The following FREM2 variants were observed in gnomAD, a reference collection of about 807,000 sequenced individuals.
FREM2 encodes FRAS1-related extracellular matrix protein 2.
In FREM2, 119 loss-of-function variants were observed where a neutral mutation model predicts 219.9. That is an observed-to-expected ratio of 0.54 (90% CI 0.47 to 0.63). The LOEUF is 0.63. Ranked by LOEUF, FREM2 falls within the 30% of genes least tolerant of loss-of-function variation. The probability of loss-of-function intolerance (pLI) is 0.00; values close to 1 mark genes in which losing one functional copy is unlikely to be tolerated. For missense variants in FREM2, 4,030 were observed against 3,993.6 expected, an observed-to-expected ratio of 1.01 and a Z score of -0.25; for synonymous variants, 1,562 against 1,522.8, an observed-to-expected ratio of 1.03 and a Z score of -0.60.
At position 38,746,764 on chromosome 13, in the gene FREM2, A is replaced by G. The variant is rs1195994662; in HGVS notation, c.5264-17540A>G. On this transcript the variant is annotated intron_variant, in intron 2 of 23. Transcript: ENST00000280481. ...CAGGAGGGAAGAAGTAAAATTGCTGAGTTGAGTGGCTGCCATGAAGGGAGT... is the reference window on the plus strand; with the variant it reads ...CAGGAGGGAAGAAGTAAAATTGCTGGGTTGAGTGGCTGCCATGAAGGGAGT... Among the ~76,000 whole-genome samples, 4 of 152,336 alleles carry G rather than the reference A, an allele frequency of 2.6e-5. No homozygotes were observed. In the East Asian group the frequency reaches 7.7e-4, roughly 29 times the overall value.
intron 4 of FREM2, among the ~76,000 whole-genome samples, chr13:38,772,728 C>T (rs1873715504): frequency 6.7e-6 from 1 of 149,378 alleles, no homozygotes; most frequent in African/African-American, 2.5e-5. Context: ...CGGAGTTTCG[C>T]TCTCGCTGCC....
chr13:38,727,080 T>C (rs1249207773), intron 2 of FREM2, among the ~76,000 whole-genome samples: 4 of 152,172 alleles, frequency 2.6e-5, no homozygotes, highest in Non-Finnish European at 4.4e-5. Flanking sequence ...TGGACGTAGT[T>C]TTTGATACCT....
At chr13:38,785,484 G>C (rs911218109) in intron 6 of FREM2, among the ~76,000 whole-genome samples, 7 of 152,230 alleles carry the variant, frequency 4.6e-5, no homozygotes. Flanking sequence ...TAAACTGAGA[G>C]ATGGGACACC....
At chr13:38,871,043 A>G (rs560666439) in intron 16 of FREM2, among the ~76,000 whole-genome samples, 7 of 152,254 alleles carry the variant, frequency 4.6e-5, no homozygotes, top group African/African-American at 1.7e-4. Flanking sequence ...TTCAAAATCA[A>G]TTGCTCAATG....
rs1330842146 is a variant in FREM2 at position 38,692,083 on chromosome 13, A to G, written c.4739A>G (p.His1580Arg). The part of the protein sequence containing the change: ...FTITQVPIHG[H>R]LLFNNTRPVM... ...ATCACCCAGGTGCCTATTCATGGCCATCTCCTATTCAACAATACCAGACCT... is the reference window on the plus strand; with the variant it reads ...ATCACCCAGGTGCCTATTCATGGCCGTCTCCTATTCAACAATACCAGACCT... Residue 1580 changes from histidine to arginine, a missense_variant, in exon 1 of 24, where the codon CAT becomes CGT. By Grantham distance (29) the His-to-Arg change is conservative. Coordinates refer to ENST00000280481, the MANE Select transcript of FREM2 (RefSeq NM_207361.6). 2 of 1,614,192 alleles carry G rather than the reference A, an allele frequency of 1.2e-6. No individual in the cohort carries two copies. Among genetic ancestry groups the G allele is most frequent in the Non-Finnish European group, 1.7e-6 (2 of 1,180,018 alleles).
intron 9 of FREM2, among the ~76,000 whole-genome samples, chr13:38,850,492 A>G (rs1163522587): frequency 6.6e-6 from 1 of 152,214 alleles, no homozygotes; most frequent in Non-Finnish European, 1.5e-5. Context: ...AGCATATCAA[A>G]TGTACAGATT....
chr13:38,747,393 A>AGTG (rs1872526766), intron 2 of FREM2, among the ~76,000 whole-genome samples: 2 of 56,824 alleles, frequency 3.5e-5, no homozygotes, highest in South Asian at 9.0e-4. Context: ...AGCTGATATA[A>AGTG]TATGTGTGTG....
At chr13:38,795,457 A>G (rs1874733310) in intron 6 of FREM2, among the ~76,000 whole-genome samples, 1 of 151,800 alleles carries the variant, frequency 6.6e-6, no homozygotes, top group Admixed American at 6.6e-5. Flanking sequence ...TTTGTTTTTT[A>G]CTAATACAAA....
rs1307048484 is a variant in FREM2, at chr13:38,689,346, G to A, written c.2002G>A (p.Asp668Asn). The change falls in exon 1 of 24, where the codon GAC (aspartate) becomes AAC (asparagine). Residue 668 changes from aspartate (D) to asparagine (N), a missense_variant. Physicochemically the swap from Asp to Asn is conservative, Grantham distance 23. Transcript: ENST00000280481. ...GCCCCATAGTCCTGGGCCAGTCACAGACCAGTTCACATTTAGAGTCCAGGA... is the reference window on the plus strand; with the variant it reads ...GCCCCATAGTCCTGGGCCAGTCACAAACCAGTTCACATTTAGAGTCCAGGA... ...SGPHSPGPVT[D>N]QFTFRVQDNH... 6.2e-7 allele frequency: 1 copy of A among 1,614,104 alleles called. No homozygotes were observed. Among genetic ancestry groups the A allele is most frequent in the African/African-American group, 1.3e-5 (1 of 75,012 alleles).
At chr13:38,815,469 A>G (rs1006778239) in intron 6 of FREM2, among the ~76,000 whole-genome samples, 1 of 152,238 alleles carries the variant, frequency 6.6e-6, no homozygotes, top group African/African-American at 2.4e-5. Flanking sequence ...TAGCTAGACT[A>G]AGAAATAAAA....
chr13:38,690,645 G>C lies in FREM2; in HGVS notation c.3301G>C (p.Asp1101His), dbSNP rs370270935. The C allele has an allele frequency of 1.2e-6, 2 of 1,613,734 alleles. No individual in the cohort carries two copies. Among genetic ancestry groups the C allele is most frequent in the Admixed American group, 1.7e-5 (1 of 60,004 alleles). The change falls in exon 1 of 24, where the codon GAC becomes CAC. Residue 1101 changes from aspartate (D) to histidine (H), a missense_variant. Coordinates refer to ENST00000280481, the MANE Select transcript of FREM2 (RefSeq NM_207361.6). ...TGAAGATGTCGACTCCCTGAATGATGACATCTTGTGCACTATAGTTATTCA... is the reference window on the plus strand; with the variant it reads ...TGAAGATGTCGACTCCCTGAATGATCACATCTTGTGCACTATAGTTATTCA... ...SAEDVDSLND[D>H]ILCTIVIQPT...
chr13:38,878,624 A>G (rs994882535), intron 22 of FREM2, among the ~76,000 whole-genome samples: 1 of 151,968 alleles, frequency 6.6e-6, no homozygotes, highest in Admixed American at 6.6e-5. Context: ...ATCTATGATC[A>G]TGCTACTGCA....
Position 38,876,287 on chromosome 13 carries a change from C to T in FREM2, c.8449C>T (p.Pro2817Ser). 6.2e-7 allele frequency: 1 copy of T among 1,613,962 alleles called. No homozygotes were observed. Among genetic ancestry groups the T allele is most frequent in the Non-Finnish European group, 8.5e-7 (1 of 1,179,878 alleles). Residue 2817 changes from proline (P) to serine (S), a missense_variant, in exon 20 of 24, where the codon CCA (proline) becomes TCA (serine). Around this residue, in one of 2 missense-constraint regions of FREM2, gnomAD observed 928 missense variants for 1,042.9 expected, o/e 0.89. Transcript: ENST00000280481. ...AGGGACCTATACTGTGAAGCTGGTG[C>T]CATGCACTGCCCCATCACATCAGGA... is the stretch of plus-strand genomic sequence containing the variant. ...YSGTYTVKLV[P>S]CTAPSHQEYR...
chr13:38,709,548 A>T (rs777796572), intron 2 of FREM2, among the ~76,000 whole-genome samples: 4 of 152,058 alleles, frequency 2.6e-5, no homozygotes, highest in Non-Finnish European at 5.9e-5. Flanking sequence ...AGGTTGTTAG[A>T]CTATTATGTA....
At position 38,864,331 on chromosome 13, in the gene FREM2, C is replaced by T. The variant is rs1436636746; in HGVS notation, c.7708C>T (p.Pro2570Ser). The T allele has an allele frequency of 6.2e-7, 1 of 1,614,154 alleles. No homozygotes were observed. The highest frequency in any genetic ancestry group is 1.6e-4 in the Middle Eastern group (1 of 6,062). The change falls in exon 16 of 24, where the codon CCT (proline) becomes TCT (serine). Residue 2570 changes from proline (P) to serine (S), a missense_variant. Physicochemically the swap from Pro to Ser is moderately conservative, Grantham distance 74. Transcript: ENST00000280481. ...ELSNFELTLS[P>S]DGTRVGNHKC... ...TTCCAACTTTGAGCTCACCCTCAGC[C>T]CTGATGGCACAAGAGTTGGAAACCA...
chr13:38,702,380 C>G (rs1480075523), intron 2 of FREM2, among the ~76,000 whole-genome samples: 1 of 152,080 alleles, frequency 6.6e-6, no homozygotes, highest in Non-Finnish European at 1.5e-5. Flanking sequence ...CTATAAGTCA[C>G]TAAAATTTTC....
chr13:38,842,041 G>A (rs1876983027), intron 6 of FREM2, among the ~76,000 whole-genome samples: 2 of 152,160 alleles, frequency 1.3e-5, no homozygotes, highest in Non-Finnish European at 2.9e-5. Context: ...GATGTGCAGA[G>A]CAGAAGGTAT....
chr13:38,759,219 A>G (rs1205201220), intron 2 of FREM2, among the ~76,000 whole-genome samples: 1 of 152,168 alleles, frequency 6.6e-6, no homozygotes, highest in African/African-American at 2.4e-5. Flanking sequence ...ATTCTGGGCA[A>G]ATGAGATTTT....
chr13:38,874,617 C>G (rs779468268), intron 18 of FREM2, 31 bp downstream of exon 18: 3 of 1,546,806 alleles, frequency 1.9e-6, no homozygotes, highest in Middle Eastern at 1.7e-4. Context: ...ACAACCACTC[C>G]TCACACAAAA....
Sources: gnomAD v4.1 joint callset for allele counts (sites outside exome capture counted in the v4.1 genomes callset) on GRCh38, gnomAD v4.1.1 for gene constraint, gnomAD v4.1.1 regional missense constraint, MANE v1.5 for transcripts, NCBI Gene and HGNC (gene_info 2026-07-23, HGNC 2026-07-21) for gene names.